PRSS35: variants seen among roughly 807,000 people sequenced by gnomAD.
The protein encoded by PRSS35 is serine protease 35.
A neutral mutation model predicts 8.1 loss-of-function variants in PRSS35; 7 were observed. The ratio of observed to expected loss-of-function variants is 0.86; its 90% confidence interval spans 0.49 to 1.62. The LOEUF (loss-of-function observed/expected upper bound fraction) is 1.62. Among genes scored for constraint, PRSS35 ranks in the 40% most tolerant of loss-of-function variants. PRSS35 has a pLI of 0.00. For synonymous variants in PRSS35, 199 were observed against 188.7 expected (o/e 1.05, Z -0.45); for missense variants, 566 against 518.0 (o/e 1.09, Z -0.90).
At chr6:83,519,138 T>A (rs1356950894) in intron 1 of PRSS35, among the ~76,000 whole-genome samples, 1 of 152,190 alleles carries the variant, frequency 6.6e-6, no homozygotes, top group Non-Finnish European at 1.5e-5. Flanking sequence ...GTGTGGTCAC[T>A]TCTATTAATA....
At chr6:83,521,001 G>C (rs1771811658) in intron 1 of PRSS35, among the ~76,000 whole-genome samples, 2 of 152,104 alleles carry the variant, frequency 1.3e-5, no homozygotes, top group African/African-American at 4.8e-5. Context: ...TTCAAGCTTT[G>C]ATGTAATCAT....
intron 1 of PRSS35, among the ~76,000 whole-genome samples, chr6:83,520,676 T>G (rs1771805183): frequency 6.6e-6 from 1 of 152,182 alleles, no homozygotes; most frequent in South Asian, 2.1e-4. Flanking sequence ...GCATTGAAAA[T>G]TTCCAAAGTA....
intron 1 of PRSS35, among the ~76,000 whole-genome samples, chr6:83,513,275 G>A (rs552964621): frequency 6.6e-6 from 1 of 152,222 alleles, no homozygotes; most frequent in African/African-American, 2.4e-5. Context: ...CATGGGGGTT[G>A]TACTTTTCTC....
At position 83,524,269 on chromosome 6, in the gene PRSS35, C is replaced by G; in HGVS notation, c.828C>G (p.Asp276Glu). ...GGMGDATLDY[D>E]YALLELKRAH... ...TGGGGGACGCTACCTTGGACTATGACTATGCTCTTCTGGAGCTGAAGCGTG... is the reference window on the plus strand; with the variant it reads ...TGGGGGACGCTACCTTGGACTATGAGTATGCTCTTCTGGAGCTGAAGCGTG... Residue 276 changes from aspartate to glutamate, a missense_variant, in exon 2 of 2, where the codon GAC (aspartate) becomes GAG (glutamate). By Grantham distance (45) the Asp-to-Glu change is conservative. Coordinates refer to ENST00000369700, the MANE Select transcript of PRSS35 (RefSeq NM_153362.3). 1 of 1,614,160 alleles carries G rather than the reference C, an allele frequency of 6.2e-7. No homozygotes were observed. The highest frequency in any genetic ancestry group is 8.5e-7 in the Non-Finnish European group (1 of 1,180,022).
intron 1 of PRSS35, among the ~76,000 whole-genome samples, chr6:83,513,737 T>C (rs1221731869): frequency 6.6e-6 from 1 of 151,980 alleles, no homozygotes; most frequent in Non-Finnish European, 1.5e-5. Context: ...TTCTTCCAGA[T>C]AGCTGGGAAA....
intron 1 of PRSS35, among the ~76,000 whole-genome samples, chr6:83,514,904 C>G (rs571862781): frequency 6.6e-6 from 1 of 152,326 alleles, no homozygotes; most frequent in Non-Finnish European, 1.5e-5. Flanking sequence ...ATATGTCTCC[C>G]TATGTCACAG....
rs747218688 is a variant in PRSS35 at position 83,524,703 on chromosome 6, G to A, written c.*20G>A. 2.5e-6 allele frequency: 4 copies of A among 1,577,594 alleles called. No homozygotes were observed. The highest frequency in any genetic ancestry group is 2.7e-5 in the African/African-American group (2 of 73,930). On this transcript the variant is annotated 3_prime_UTR_variant, in exon 2 of 2. Transcript: ENST00000369700. ...GGCTAACAGAGACCTGAAACAGGGC[G>A]GTGTATCATCTAAATCACAGAGAAA...
chr6:83,516,997 G>A (rs1257064186), intron 1 of PRSS35, among the ~76,000 whole-genome samples: 1 of 152,202 alleles, frequency 6.6e-6, no homozygotes, highest in Non-Finnish European at 1.5e-5. Flanking sequence ...CCACAATGAG[G>A]CAGTTAGAGA....
intron 1 of PRSS35, among the ~76,000 whole-genome samples, chr6:83,516,470 G>A (rs954477536): frequency 1.6e-4 from 24 of 151,586 alleles, no homozygotes; most frequent in Admixed American, 6.6e-4. Flanking sequence ...CAGCTACTGG[G>A]GAGGCTGAGG....
chr6:83,520,628 G>C (rs1464511527), intron 1 of PRSS35, among the ~76,000 whole-genome samples: 1 of 152,158 alleles, frequency 6.6e-6, no homozygotes, highest in East Asian at 1.9e-4. Flanking sequence ...CATTTGATAA[G>C]TCAAATCATT....
At position 83,524,796 on chromosome 6, in the gene PRSS35, A is replaced by C; in HGVS notation, c.*113A>C. 8.9e-7 allele frequency: 1 copy of C among 1,118,596 alleles called. No homozygotes were observed. Among genetic ancestry groups the C allele is most frequent in the South Asian group, 1.8e-5 (1 of 54,128 alleles). The allele number at this position is 1,118,596 out of a possible 1,614,324, so 69.3% of individuals were successfully genotyped here. On this transcript the variant is annotated 3_prime_UTR_variant, in exon 2 of 2. Coordinates refer to ENST00000369700, the MANE Select transcript of PRSS35 (RefSeq NM_153362.3). ...CCTGGACTTGAACTCTGTCAATAGC[A>C]TTTCAACATTTTTCAAAATCAGGAG...
At chr6:83,519,896 C>T (rs970466974) in intron 1 of PRSS35, among the ~76,000 whole-genome samples, 1 of 152,072 alleles carries the variant, frequency 6.6e-6, no homozygotes, top group Admixed American at 6.6e-5. Context: ...ACATATAAAC[C>T]TTATGAACTT....
At chr6:83,513,803 A>G (rs1012954655) in intron 1 of PRSS35, among the ~76,000 whole-genome samples, 1 of 152,238 alleles carries the variant, frequency 6.6e-6, no homozygotes, top group Admixed American at 6.5e-5. Context: ...TGTTTAGCAT[A>G]TACTTGGCAT....
At chr6:83,521,979 G>C (rs897623650) in intron 1 of PRSS35, among the ~76,000 whole-genome samples, 3 of 152,096 alleles carry the variant, frequency 2.0e-5, no homozygotes, top group Non-Finnish European at 4.4e-5. Context: ...GTTGTATCAA[G>C]GGATACCGAT....
intron 1 of PRSS35, among the ~76,000 whole-genome samples, chr6:83,523,032 A>G (rs1311160329): frequency 1.3e-5 from 2 of 152,140 alleles, no homozygotes; most frequent in African/African-American, 4.8e-5. Context: ...TTTTATCTTT[A>G]TTTCTAAATC....
In PRSS35 at chr6:83,523,991, C is replaced by G. The variant is rs898683633; in HGVS notation, c.550C>G (p.Leu184Val). The G allele has an allele frequency of 6.2e-7, 1 of 1,613,888 alleles. No homozygotes were observed. The highest frequency in any genetic ancestry group is 1.3e-5 in the African/African-American group (1 of 74,852). The change falls in exon 2 of 2, where the codon CTA becomes GTA. Residue 184 changes from leucine (L) to valine (V), a missense_variant. Leu to Val is a conservative substitution (Grantham distance 32). Coordinates refer to ENST00000369700, the MANE Select transcript of PRSS35 (RefSeq NM_153362.3). ...GGACTATGTCAAAGGGAGTAAAAAGCTAAGGGTAGGGTTGTTGAAGATGAG... is the reference window on the plus strand; with the variant it reads ...GGACTATGTCAAAGGGAGTAAAAAGGTAAGGGTAGGGTTGTTGAAGATGAG... ...GKDYVKGSKK[L>V]RVGLLKMRNK...
In PRSS35 at chr6:83,524,475, C is replaced by T; in HGVS notation, c.1034C>T (p.Ser345Phe). Residue 345 changes from serine (S) to phenylalanine (F), a missense_variant, in exon 2 of 2, where the codon TCC becomes TTC. Ser to Phe is a radical substitution (Grantham distance 155, BLOSUM62 -2). Transcript: ENST00000369700. ...LYQYCDAESG[S>F]TGSGVYLRLK... ...CAATACTGCGATGCTGAGTCGGGCTCCACCGGTTCGGGGGTCTATCTGCGT... is the reference window on the plus strand; with the variant it reads ...CAATACTGCGATGCTGAGTCGGGCTTCACCGGTTCGGGGGTCTATCTGCGT... 6.2e-7 allele frequency: 1 copy of T among 1,614,068 alleles called. No individual in the cohort carries two copies. The highest frequency in any genetic ancestry group is 1.1e-5 in the South Asian group (1 of 91,054).
In PRSS35 at chr6:83,524,059, C is replaced by G. The variant is rs776045199; in HGVS notation, c.618C>G (p.Ser206Arg). Reference protein sequence around the residue: ...GGKKRRGSKRSRREASGGDQR... With the variant: ...GGKKRRGSKRRRREASGGDQR... ...AGAAACGTCGAGGTTCTAAGAGGAGCAGGAGAGAAGCTAGTGGTGGTGACC... is the reference window on the plus strand; with the variant it reads ...AGAAACGTCGAGGTTCTAAGAGGAGGAGGAGAGAAGCTAGTGGTGGTGACC... The change falls in exon 2 of 2, where the codon AGC becomes AGG. Residue 206 changes from serine (S) to arginine (R), a missense_variant. Physicochemically the swap from Ser to Arg is moderately radical, Grantham distance 110. Coordinates refer to ENST00000369700, the MANE Select transcript of PRSS35 (RefSeq NM_153362.3). 1.9e-6 allele frequency: 3 copies of G among 1,613,960 alleles called. No homozygotes were observed. Among genetic ancestry groups the G allele is most frequent in the Non-Finnish European group, 2.5e-6 (3 of 1,180,004 alleles).
chr6:83,518,715 C>T (rs1203726261), intron 1 of PRSS35, among the ~76,000 whole-genome samples: 4 of 152,122 alleles, frequency 2.6e-5, no homozygotes, highest in Non-Finnish European at 5.9e-5. Context: ...CTAATTTTGG[C>T]TTATATAACA....
Sources: gnomAD v4.1 joint callset for allele counts (sites outside exome capture counted in the v4.1 genomes callset) on GRCh38, gnomAD v4.1.1 for gene constraint, MANE v1.5 for transcripts, NCBI Gene and HGNC (gene_info 2026-07-23, HGNC 2026-07-21) for gene names.